TMPRSS11F: variants seen among roughly 807,000 people sequenced by gnomAD.
The protein encoded by TMPRSS11F is transmembrane serine protease 11F, also known as transmembrane protease serine 11F.
TMPRSS11F carries 47 observed loss-of-function variants against 60.2 expected under a neutral mutation model. That is an observed-to-expected ratio of 0.78 (90% CI 0.62 to 1.00). The LOEUF (loss-of-function observed/expected upper bound fraction) is 1.00. Among genes scored for constraint, TMPRSS11F ranks in the 50% least tolerant of loss-of-function variants. The pLI, the probability that TMPRSS11F is intolerant of heterozygous loss-of-function variation, is 0.00. For missense variants in TMPRSS11F, 519 were observed against 522.9 expected (o/e 0.99, Z 0.07); for synonymous variants, 166 against 167.3 (o/e 0.99, Z 0.06).
chr4:68,095,882 C>G (rs1724063864), intron 2 of TMPRSS11F, among the ~76,000 whole-genome samples: 1 of 95,412 alleles, frequency 1.0e-5, no homozygotes, highest in African/African-American at 4.2e-5. Context: ...GGCAACAGAG[C>G]AAGATTCCAT....
At chr4:68,127,965 T>G (rs1223855192) in intron 1 of TMPRSS11F, among the ~76,000 whole-genome samples, 4 of 152,102 alleles carry the variant, frequency 2.6e-5, no homozygotes. Context: ...CCTCATTCAT[T>G]TACTTATAAA....
intron 1 of TMPRSS11F, among the ~76,000 whole-genome samples, chr4:68,108,428 C>T (rs1311749753): frequency 6.6e-6 from 1 of 152,104 alleles, no homozygotes; most frequent in African/African-American, 2.4e-5. Flanking sequence ...ATGCAATCTG[C>T]CCACTGGAAG....
intron 2 of TMPRSS11F, among the ~76,000 whole-genome samples, chr4:68,096,108 C>T (rs1724069009): frequency 2.7e-5 from 4 of 146,988 alleles, no homozygotes; most frequent in Admixed American, 2.7e-4. Flanking sequence ...TAATGAATAT[C>T]AGTCAATAAT....
intron 4 of TMPRSS11F, among the ~76,000 whole-genome samples, chr4:68,073,672 C>T (rs1723525020): frequency 6.6e-6 from 1 of 152,076 alleles, no homozygotes; most frequent in Middle Eastern, 3.4e-3. Flanking sequence ...GCTTAAGAGA[C>T]GGGGGGAAGA....
intron 1 of TMPRSS11F, 149 bp downstream of exon 1, chr4:68,129,661 A>T: frequency 3.1e-6 from 2 of 644,700 alleles, no homozygotes. Context: ...AACAACAACA[A>T]TAAAACTTTA....
intron 1 of TMPRSS11F, among the ~76,000 whole-genome samples, chr4:68,115,356 CAAAAAAAAAAAA>C (rs57550471): frequency 1.3e-5 from 1 of 74,690 alleles, no homozygotes; most frequent in Admixed American, 1.8e-4. Flanking sequence ...GACACCATCT[CAAAAAAAAAAAA>C]AAAAAAAAAA....
At position 68,096,249 on chromosome 4, in the gene TMPRSS11F, G is replaced by A. The variant is rs181508152; in HGVS notation, c.163+2638C>T. Among the ~76,000 whole-genome samples the A allele has an allele frequency of 2.6e-3, 403 of 152,206 alleles. 2 individuals are homozygous for A. The highest frequency in any genetic ancestry group is 9.1e-3 in the African/African-American group (378 of 41,546). Reference sequence around the variant, plus strand: ...TCATTTAATGTTCAAATACGATTTCGTTTTAAGACATTTTCTTTCTCTTTG... The same window carrying A: ...TCATTTAATGTTCAAATACGATTTCATTTTAAGACATTTTCTTTCTCTTTG... On this transcript the variant is annotated intron_variant, in intron 2 of 9. Coordinates refer to ENST00000356291, the MANE Select transcript of TMPRSS11F (RefSeq NM_207407.2).
At chr4:68,115,380 A>AAG (rs1175903888) in intron 1 of TMPRSS11F, among the ~76,000 whole-genome samples, 59 of 140,304 alleles carry the variant, frequency 4.2e-4, no homozygotes, top group South Asian at 7.0e-4. Flanking sequence ...AAAAAAAAAA[A>AAG]AAGAAGAAGA....
At chr4:68,062,520 G>A in intron 8 of TMPRSS11F, 1 of 737,562 alleles carries the variant, frequency 1.4e-6, no homozygotes, top group Non-Finnish European at 2.5e-6. Context: ...TGCATTGGAT[G>A]GTAACTGTTT....
intron 1 of TMPRSS11F, among the ~76,000 whole-genome samples, chr4:68,124,878 T>G (rs1577939743): frequency 6.6e-6 from 1 of 152,204 alleles, no homozygotes; most frequent in East Asian, 1.9e-4. Flanking sequence ...CCAACTTGCT[T>G]TTATCTTATC....
intron 6 of TMPRSS11F, 147 bp downstream of exon 6, chr4:68,069,822 A>G (rs1723413048): frequency 1.9e-6 from 1 of 516,024 alleles, no homozygotes; most frequent in South Asian, 4.0e-5. Flanking sequence ...TAAATGCTAA[A>G]AATAATAAAA....
intron 1 of TMPRSS11F, among the ~76,000 whole-genome samples, chr4:68,106,541 G>A (rs1286564549): frequency 6.6e-6 from 1 of 152,116 alleles, no homozygotes; most frequent in East Asian, 1.9e-4. Flanking sequence ...TTCTATAAAT[G>A]TCATTATGAT....
In TMPRSS11F at chr4:68,072,505, G is replaced by A. The variant is rs6853151; in HGVS notation, c.351-19C>T. The A allele has an allele frequency of 8.9e-6, 13 of 1,452,638 alleles. No homozygotes were observed. The highest frequency in any genetic ancestry group is 4.3e-5 in the African/African-American group (3 of 69,186). The allele number at this position is 1,452,638 out of a possible 1,614,324, so 90.0% of individuals were successfully genotyped here. A position where few individuals can be genotyped will look rare whatever the true frequency, so the allele number is the denominator to read the frequency against. Reference sequence around the variant, plus strand: ...ATCTGGACTGAAGAACAAAAAAGCAGATAAAAATGGCATTTATCTAATCAT... The same window carrying A: ...ATCTGGACTGAAGAACAAAAAAGCAAATAAAAATGGCATTTATCTAATCAT... On this transcript the variant is annotated intron_variant, in intron 4 of 9. Transcript: ENST00000356291.
intron 1 of TMPRSS11F, among the ~76,000 whole-genome samples, chr4:68,126,631 A>G (rs1056352036): frequency 3.3e-5 from 5 of 152,230 alleles, no homozygotes; most frequent in Non-Finnish European, 5.9e-5. Context: ...ATATGAAATC[A>G]TAAGTCAATG....
chr4:68,056,656 T>C (rs1723053927), intron 9 of TMPRSS11F, among the ~76,000 whole-genome samples: 1 of 12,476 alleles, frequency 8.0e-5, no homozygotes, highest in South Asian at 0.083. Context: ...AAAATTCCAA[T>C]GCCATTTCTT....
chr4:68,089,432 T>C lies in TMPRSS11F; in HGVS notation c.282+1091A>G, dbSNP rs147704365. ...TGAAATTGAACAGGAAACATAAAGT[T>C]TTAGAAAAGAAGATTTAAAGAAATA... On this transcript the variant is annotated intron_variant, in intron 3 of 9. Coordinates refer to ENST00000356291, the MANE Select transcript of TMPRSS11F (RefSeq NM_207407.2). 7.0e-3 allele frequency among the ~76,000 whole-genome samples: 1,065 copies of C among 152,150 alleles called. 9 individuals carry two copies. The highest frequency in any genetic ancestry group is 0.024 in the South Asian group (117 of 4,814).
intron 2 of TMPRSS11F, among the ~76,000 whole-genome samples, chr4:68,092,052 C>T (rs7664351): frequency 0.39 from 58,542 of 151,852 alleles, 12,908 homozygotes; most frequent in Non-Finnish European, 0.52. Context: ...TCCCAAAGTG[C>T]TGGGATTACA....
chr4:68,066,893 C>A (rs1002433109), intron 7 of TMPRSS11F, among the ~76,000 whole-genome samples: 2 of 147,364 alleles, frequency 1.4e-5, no homozygotes, highest in African/African-American at 5.1e-5. Flanking sequence ...GAGATAGTGC[C>A]ACTGCACTCT....
chr4:68,090,645 A>C lies in TMPRSS11F; in HGVS notation c.164-4T>G, dbSNP rs1180121972. 6.3e-7 allele frequency: 1 copy of C among 1,590,328 alleles called. No homozygotes were observed. Among genetic ancestry groups the C allele is most frequent in the African/African-American group, 1.4e-5 (1 of 73,840 alleles). ...AGGTAATAGAAAGACTTATCATCTG[A>C]AAGGTAAAACAAACAAAAGTCTCAT... is the stretch of plus-strand genomic sequence containing the variant. On this transcript the variant is annotated splice_polypyrimidine_tract_variant and splice_region_variant and intron_variant, in intron 2 of 9. Coordinates refer to ENST00000356291, the MANE Select transcript of TMPRSS11F (RefSeq NM_207407.2).
Sources: allele counts gnomAD v4.1 joint callset (sites outside exome capture counted in the v4.1 genomes callset), GRCh38; gene constraint gnomAD v4.1.1; transcripts MANE v1.5; gene names NCBI Gene and HGNC (gene_info 2026-07-23, HGNC 2026-07-21).